Variants in HMCN1 observed in about 807,000 individuals in gnomAD.
HMCN1 encodes the protein hemicentin-1.
HMCN1 carries 321 observed loss-of-function variants against 625.9 expected under a neutral mutation model. The observed-to-expected ratio is 0.51, with a 90% CI of 0.47 to 0.56. HMCN1 has a LOEUF of 0.56. Ranked by LOEUF, HMCN1 falls within the 20% of genes least tolerant of loss-of-function variation. The probability of loss-of-function intolerance (pLI) is 0.00; values close to 1 mark genes in which losing one functional copy is unlikely to be tolerated. For synonymous variants in HMCN1, 2,425 were observed against 2,417.6 expected (o/e 1.00, Z -0.09); for missense variants, 6,588 against 6,887.3 (o/e 0.96, Z 1.54).
chr1:185,894,228 C>T (rs180720674), intron 4 of HMCN1, among the ~76,000 whole-genome samples: 2 of 152,234 alleles, frequency 1.3e-5, no homozygotes, highest in East Asian at 1.9e-4. Context: ...TTGTGTCCTT[C>T]GTATAAATGA....
At chr1:186,019,775 T>A in intron 35 of HMCN1, 80 bp downstream of exon 35, 1 of 1,251,534 alleles carries the variant, frequency 8.0e-7, no homozygotes, top group Non-Finnish European at 1.1e-6. Context: ...CTTTCTTAAC[T>A]GTAGATTTTC....
rs1311071440 is a variant in HMCN1 at position 186,114,936 on chromosome 1, A to T, written c.11394A>T (p.Leu3798Phe). The change falls in exon 74 of 107, where the codon TTA becomes TTT. Residue 3798 changes from leucine (L) to phenylalanine (F), a missense_variant. Around this residue, in one of 3 missense-constraint regions of HMCN1, gnomAD observed 4,628 missense variants for 4,853.1 expected, o/e 0.95. Coordinates refer to ENST00000271588, the MANE Select transcript of HMCN1 (RefSeq NM_031935.3). ...AAGTDRRRID[L>F]QVHVPPSIAP... ...GAACAGATCGCAGGCGAATAGATTT[A>T]CAGGTCCATGGTAAATATCCGTTTA... 1 of 1,614,064 alleles carries T rather than the reference A, an allele frequency of 6.2e-7. No individual in the cohort carries two copies. The highest frequency in any genetic ancestry group is 2.2e-5 in the East Asian group (1 of 44,884).
At chr1:185,992,811 T>C (rs1241773351) in intron 22 of HMCN1, among the ~76,000 whole-genome samples, 1 of 152,194 alleles carries the variant, frequency 6.6e-6, no homozygotes, top group African/African-American at 2.4e-5. Context: ...TCAACTATTT[T>C]TGAGAACATG....
rs1031893642 is a variant in HMCN1, at chr1:186,023,125, A to G, written c.5721A>G (p.Thr1907=). 8 of 1,613,212 alleles carry G rather than the reference A, an allele frequency of 5.0e-6. No individual in the cohort carries two copies. The highest frequency in any genetic ancestry group is 6.8e-6 in the Non-Finnish European group (8 of 1,179,408). Residue 1907 remains threonine (T), a synonymous_variant, in exon 36 of 107, where the codon ACA becomes ACG. Coordinates refer to ENST00000271588, the MANE Select transcript of HMCN1 (RefSeq NM_031935.3). ...TCVATNAAGE[T]QQHIQLHVHE... is the part of the protein sequence containing the mutation. ...TGGCTACCAACGCAGCTGGAGAAAC[A>G]CAACAGCACATTCAACTGCATGTTC...
intron 1 of HMCN1, among the ~76,000 whole-genome samples, chr1:185,776,441 G>A (rs970308355): frequency 1.8e-5 from 2 of 113,398 alleles, no homozygotes; most frequent in Admixed American, 1.6e-4. Flanking sequence ...ATTGTATAGG[G>A]TTGTGTGTGT....
intron 4 of HMCN1, among the ~76,000 whole-genome samples, chr1:185,878,953 C>T (rs914071213): frequency 3.3e-5 from 5 of 152,176 alleles, no homozygotes; most frequent in African/African-American, 1.2e-4. Context: ...AAGATAGAAG[C>T]TCCTCATTGG....
At chr1:186,185,760 T>C (rs1451050708) in intron 105 of HMCN1, among the ~76,000 whole-genome samples, 1 of 152,182 alleles carries the variant, frequency 6.6e-6, no homozygotes, top group East Asian at 1.9e-4. Context: ...ACTACCAAAT[T>C]ATGTACTACT....
intron 18 of HMCN1, 78 bp downstream of exon 18, chr1:185,982,467 G>A: frequency 3.0e-6 from 4 of 1,335,566 alleles, no homozygotes; most frequent in Non-Finnish European, 4.2e-6. Context: ...CTTTGAGACA[G>A]TTTCATTCTG....
chr1:186,065,984 A>G (rs561498823), intron 49 of HMCN1, among the ~76,000 whole-genome samples: 1 of 152,276 alleles, frequency 6.6e-6, no homozygotes, highest in East Asian at 1.9e-4. Flanking sequence ...CAACTGACCT[A>G]TATGTGAGTA....
At chr1:185,842,475 AT>A (rs1661534108) in intron 1 of HMCN1, among the ~76,000 whole-genome samples, 1 of 152,110 alleles carries the variant, frequency 6.6e-6, no homozygotes, top group African/African-American at 2.4e-5. Flanking sequence ...AGGCAGGAGG[AT>A]TGCTTGAGCA....
chr1:186,093,450 C>T, intron 65 of HMCN1, 36 bp from the exon 66 acceptor site: 2 of 1,601,800 alleles, frequency 1.2e-6, no homozygotes. Flanking sequence ...CATAATACAT[C>T]CCTCTTCCCT....
intron 85 of HMCN1, 45 bp from the exon 86 acceptor site, chr1:186,132,283 C>T: frequency 7.3e-7 from 1 of 1,362,918 alleles, no homozygotes; most frequent in Non-Finnish European, 1.0e-6. Context: ...GATTGCCCTG[C>T]TCTGTAGGCT....
intron 4 of HMCN1, among the ~76,000 whole-genome samples, chr1:185,906,516 C>T (rs1037721459): frequency 1.3e-5 from 2 of 151,792 alleles, no homozygotes; most frequent in Non-Finnish European, 2.9e-5. Flanking sequence ...TATGAATACT[C>T]AAGACTTGGA....
At chr1:185,742,356 A>T (rs1036980396) in intron 1 of HMCN1, among the ~76,000 whole-genome samples, 1 of 152,222 alleles carries the variant, frequency 6.6e-6, no homozygotes, top group African/African-American at 2.4e-5. Flanking sequence ...AATACAGTTC[A>T]TCAGCCTTCA....
rs201302454 is a variant in HMCN1 at position 186,067,848 on chromosome 1, G to A, written c.7720G>A (p.Ala2574Thr). 1.2e-5 allele frequency: 19 copies of A among 1,610,802 alleles called. No individual in the cohort carries two copies. The highest frequency in any genetic ancestry group is 1.5e-5 in the Non-Finnish European group (18 of 1,177,112). ...SLNVFVSPTI[A>T]GVGSDGNPED... is the part of the protein sequence containing the mutation. The stretch of plus-strand genomic sequence containing the variant: ...ATCTTTTTCAGTATCTCCTACAATT[G>A]CTGGTGTAGGTAGTGATGGCAACCC... The change falls in exon 50 of 107, where the codon GCT becomes ACT. Residue 2574 changes from alanine to threonine, a missense_variant. This residue lies in a region of HMCN1 where 4,628 missense variants were observed against 4,853.1 expected (regional missense o/e 0.95). Coordinates refer to ENST00000271588, the MANE Select transcript of HMCN1 (RefSeq NM_031935.3).
intron 4 of HMCN1, among the ~76,000 whole-genome samples, chr1:185,869,066 G>T (rs2102365669): frequency 6.6e-6 from 1 of 152,254 alleles, no homozygotes; most frequent in South Asian, 2.1e-4. Context: ...TGCAGGAAAG[G>T]ATGTTTCACT....
At position 185,965,910 on chromosome 1, in the gene HMCN1, T is replaced by A; in HGVS notation, c.2207T>A (p.Phe736Tyr). 6.6e-7 allele frequency: 1 copy of A among 1,518,872 alleles called. No homozygotes were observed. The highest frequency in any genetic ancestry group is 9.1e-7 in the Non-Finnish European group (1 of 1,093,216). The allele number at this position is 1,518,872 out of a possible 1,614,324, so 94.1% of individuals were successfully genotyped here. A position where few individuals can be genotyped will look rare whatever the true frequency, so the allele number is the denominator to read the frequency against. ...ATTCCTCCACCTCAAGTTAAATGGTTCAAAGGTACATTTCTTCAATATGTT... is the reference window on the plus strand; with the variant it reads ...ATTCCTCCACCTCAAGTTAAATGGTACAAAGGTACATTTCTTCAATATGTT... ...SGIPPPQVKWFKGDLELRPST... is the reference protein window; with the variant it reads ...SGIPPPQVKWYKGDLELRPST... Residue 736 changes from phenylalanine (F) to tyrosine (Y), a missense_variant, in exon 14 of 107, where the codon TTC becomes TAC. This residue lies in a region of HMCN1 where 4,628 missense variants were observed against 4,853.1 expected (regional missense o/e 0.95). Coordinates refer to ENST00000271588, the MANE Select transcript of HMCN1 (RefSeq NM_031935.3).
At chr1:186,156,922 G>A (rs1006885613) in intron 97 of HMCN1, among the ~76,000 whole-genome samples, 4 of 152,096 alleles carry the variant, frequency 2.6e-5, no homozygotes, top group South Asian at 2.1e-4. Flanking sequence ...GAATGTTCAT[G>A]ACAATAATAA....
chr1:185,817,348 G>A (rs1233297268), intron 1 of HMCN1, among the ~76,000 whole-genome samples: 1 of 152,266 alleles, frequency 6.6e-6, no homozygotes, highest in Non-Finnish European at 1.5e-5. Context: ...GTGGAAAGGG[G>A]TGCCTCCAGG....
Sources: gnomAD v4.1 joint callset for allele counts (sites outside exome capture counted in the v4.1 genomes callset) on GRCh38, gnomAD v4.1.1 for gene constraint, gnomAD v4.1.1 regional missense constraint, MANE v1.5 for transcripts, NCBI Gene and HGNC (gene_info 2026-07-23, HGNC 2026-07-21) for gene names.